Variants in ADCY8 observed in about 807,000 individuals in gnomAD.
The protein encoded by ADCY8 is adenylate cyclase type 8.
Under a neutral mutation model 119.7 loss-of-function variants are expected in ADCY8, and 51 were observed. That is an observed-to-expected ratio of 0.43 (90% CI 0.34 to 0.54). The LOEUF (loss-of-function observed/expected upper bound fraction) is 0.54. Ranked by LOEUF, ADCY8 falls within the 20% of genes least tolerant of loss-of-function variation. The pLI is 0.03. For missense variants in ADCY8, 1,383 were observed against 1,598.8 expected, an observed-to-expected ratio of 0.87 and a Z score of 2.30; for synonymous variants, 665 against 651.0, an observed-to-expected ratio of 1.02 and a Z score of -0.33.
chr8:130,857,682 T>A (rs1817791100), intron 9 of ADCY8, among the ~76,000 whole-genome samples: 1 of 152,214 alleles, frequency 6.6e-6, no homozygotes. Flanking sequence ...CTCTTGTTTG[T>A]GTTGATAGCA....
intron 6 of ADCY8, 84 bp downstream of exon 6, chr8:130,909,624 G>C: frequency 6.6e-7 from 1 of 1,521,498 alleles, no homozygotes; most frequent in Non-Finnish European, 9.0e-7. Context: ...ATCTAACCCT[G>C]AATTTCTGTA....
chr8:130,804,908 G>A (rs983643518), intron 14 of ADCY8, among the ~76,000 whole-genome samples: 4 of 152,086 alleles, frequency 2.6e-5, no homozygotes. Flanking sequence ...CATCATACCA[G>A]GCTAATTTTT....
intron 7 of ADCY8, among the ~76,000 whole-genome samples, chr8:130,890,121 C>G (rs11780463): frequency 6.7e-6 from 1 of 149,676 alleles, no homozygotes; most frequent in South Asian, 2.1e-4. Flanking sequence ...AGTGGATAGA[C>G]GAAAGGTCAA....
intron 15 of ADCY8, among the ~76,000 whole-genome samples, chr8:130,794,204 C>T (rs1815508002): frequency 6.6e-6 from 1 of 152,168 alleles, no homozygotes; most frequent in Non-Finnish European, 1.5e-5. Flanking sequence ...ACTCTTCTTG[C>T]TTCCGGAATT....
In ADCY8 at chr8:130,821,533, G is replaced by A. The variant is rs143905217; in HGVS notation, c.2676-113C>T. On this transcript the variant is annotated intron_variant, in intron 12 of 17. Coordinates refer to ENST00000286355, the MANE Select transcript of ADCY8 (RefSeq NM_001115.3). Reference sequence around the variant, plus strand: ...AAAGAAAAAAACACACATCTTTTCAGCACCTATTATGTGATAGTGGCTGCT... The same window carrying A: ...AAAGAAAAAAACACACATCTTTTCAACACCTATTATGTGATAGTGGCTGCT... 2.0e-4 allele frequency: 148 copies of A among 747,954 alleles called. 1 individual carries two copies. The African/African-American group carries it at 2.4e-3, about 12-fold the overall frequency. 46.3% of individuals were successfully genotyped at this position (747,954 alleles called of 1,614,324 possible).
chr8:130,877,443 T>C (rs952392533), intron 8 of ADCY8, among the ~76,000 whole-genome samples: 2 of 152,120 alleles, frequency 1.3e-5, no homozygotes, highest in Admixed American at 6.5e-5. Flanking sequence ...CAAGAATCAA[T>C]AGCATGAATG....
At chr8:131,036,494 T>C (rs1824159031) in intron 1 of ADCY8, among the ~76,000 whole-genome samples, 1 of 152,180 alleles carries the variant, frequency 6.6e-6, no homozygotes, top group Non-Finnish European at 1.5e-5. Flanking sequence ...ACCTGCTATA[T>C]GTCTGGCATT....
chr8:130,833,561 C>G (rs531831277), intron 12 of ADCY8, among the ~76,000 whole-genome samples: 1 of 152,242 alleles, frequency 6.6e-6, no homozygotes, highest in Admixed American at 6.5e-5. Flanking sequence ...CACTTGCTAC[C>G]ACATGGATGA....
At chr8:130,895,556 CAG>C (rs1819358280) in intron 7 of ADCY8, among the ~76,000 whole-genome samples, 1 of 152,114 alleles carries the variant, frequency 6.6e-6, no homozygotes, top group African/African-American at 2.4e-5. Flanking sequence ...TCTTTTGAAA[CAG>C]AGTGAAAAAG....
chr8:130,943,478 AGGGTGGGGGTG>A lies in ADCY8; in HGVS notation c.1242-27_1242-17del. The A allele has an allele frequency of 7.6e-6, 1 of 130,872 alleles. No individual in the cohort carries two copies. Among genetic ancestry groups the A allele is most frequent in the Non-Finnish European group, 1.7e-5 (1 of 60,290 alleles). 8.1% of individuals were successfully genotyped at this position (130,872 alleles called of 1,614,324 possible). On this transcript the variant is annotated splice_polypyrimidine_tract_variant and intron_variant, in intron 3 of 17. Transcript: ENST00000286355. ...AAAAAGAATACTAAACACAGGGAAG[AGGGTGGGGGTG>A]GGGGGAGGAAGTATATTAATATTTT...
At chr8:130,812,404 A>G (rs1816197696) in intron 14 of ADCY8, among the ~76,000 whole-genome samples, 1 of 152,222 alleles carries the variant, frequency 6.6e-6, no homozygotes, top group Non-Finnish European at 1.5e-5. Flanking sequence ...GTCATGTCCA[A>G]CATGGTACTA....
intron 11 of ADCY8, among the ~76,000 whole-genome samples, chr8:130,843,373 T>C (rs1163014079): frequency 6.6e-6 from 1 of 152,192 alleles, no homozygotes; most frequent in Non-Finnish European, 1.5e-5. Context: ...TTCAGATCTC[T>C]AGGTTTTTCT....
At chr8:130,920,975 T>C (rs1204726159) in intron 5 of ADCY8, among the ~76,000 whole-genome samples, 3 of 152,230 alleles carry the variant, frequency 2.0e-5, no homozygotes. Flanking sequence ...CTCCACAATT[T>C]TGTGAACCAA....
intron 7 of ADCY8, among the ~76,000 whole-genome samples, chr8:130,890,636 A>AATGTGAGGTTTT (rs1227882761): frequency 5.9e-5 from 9 of 152,174 alleles, no homozygotes; most frequent in African/African-American, 2.2e-4. Context: ...GACGCTTGTC[A>AATGTGAGGTTTT]ATGTGAGGTT....
At chr8:130,800,716 A>G in intron 14 of ADCY8, 144 bp from the exon 15 acceptor site, 1 of 901,802 alleles carries the variant, frequency 1.1e-6, no homozygotes, top group Non-Finnish European at 1.7e-6. Flanking sequence ...CGTTATGTCA[A>G]CAGTGTGTTT....
At chr8:130,948,924 C>G (rs548884349) in intron 3 of ADCY8, among the ~76,000 whole-genome samples, 112 of 152,298 alleles carry the variant, frequency 7.4e-4, no homozygotes, top group Admixed American at 1.8e-3. Context: ...CTGAGTTCAT[C>G]TTCCCGAAAC....
chr8:130,930,368 C>T (rs1820597623), intron 5 of ADCY8, among the ~76,000 whole-genome samples: 3 of 151,954 alleles, frequency 2.0e-5, no homozygotes, highest in Admixed American at 2.0e-4. Context: ...TCTCCTGCCT[C>T]AGCCTCTCAA....
chr8:130,915,186 A>G (rs1470143337), intron 5 of ADCY8, among the ~76,000 whole-genome samples: 1 of 152,236 alleles, frequency 6.6e-6, no homozygotes, highest in East Asian at 1.9e-4. Flanking sequence ...CAAATCATGC[A>G]ACAATTAACA....
intron 8 of ADCY8, among the ~76,000 whole-genome samples, chr8:130,868,178 T>C (rs1012186397): frequency 2.0e-5 from 3 of 152,146 alleles, no homozygotes; most frequent in African/African-American, 7.2e-5. Flanking sequence ...ATCCAGTTCT[T>C]CCCCTCCCTC....
Sources: allele counts gnomAD v4.1 joint callset (sites outside exome capture counted in the v4.1 genomes callset), GRCh38; gene constraint gnomAD v4.1.1; transcripts MANE v1.5; gene names NCBI Gene and HGNC (gene_info 2026-07-23, HGNC 2026-07-21).